Variants in PDE1A observed in about 807,000 individuals in gnomAD.
PDE1A encodes the protein dual specificity calcium/calmodulin-dependent 3',5'-cyclic nucleotide phosphodiesterase 1A.
A neutral mutation model predicts 61.7 loss-of-function variants in PDE1A; 35 were observed. The observed-to-expected ratio is 0.57, with a 90% CI of 0.43 to 0.75. The LOEUF (loss-of-function observed/expected upper bound fraction) is 0.75. PDE1A is among the 30% of genes least tolerant of loss of function. PDE1A has a pLI of 0.00. For synonymous variants in PDE1A, 232 were observed against 213.2 expected (o/e 1.09, Z -0.77); for missense variants, 597 against 630.6 (o/e 0.95, Z 0.57).
intron 1 of PDE1A, among the ~76,000 whole-genome samples, chr2:182,400,258 C>A (rs1701927360): frequency 6.6e-6 from 1 of 152,146 alleles, no homozygotes; most frequent in South Asian, 2.1e-4. Context: ...CCTGAGCAAA[C>A]TGAATTAAAA....
chr2:182,428,488 T>C (rs949220616), upstream of PDE1A, among the ~76,000 whole-genome samples: 2 of 152,146 alleles, frequency 1.3e-5, no homozygotes, highest in Admixed American at 6.6e-5. Context: ...TACATAGTTA[T>C]GTAGTGACAT....
At chr2:182,275,629 T>TAAAGGGCC (rs2125831579) in intron 1 of PDE1A, among the ~76,000 whole-genome samples, 1 of 152,210 alleles carries the variant, frequency 6.6e-6, no homozygotes, top group East Asian at 1.9e-4. Context: ...TGATGTTGAT[T>TAAAGGGCC]AAAGGGCCAA....
At chr2:182,172,034 T>C (rs989218927) in intron 13 of PDE1A, among the ~76,000 whole-genome samples, 6 of 152,118 alleles carry the variant, frequency 3.9e-5, no homozygotes, top group Admixed American at 2.6e-4. Flanking sequence ...TCAGAAAGCA[T>C]AGCAAATGCA....
At chr2:182,260,551 C>T (rs930603407) in intron 2 of PDE1A, among the ~76,000 whole-genome samples, 10 of 152,136 alleles carry the variant, frequency 6.6e-5, no homozygotes, top group African/African-American at 1.9e-4. Flanking sequence ...AATCGCAGCT[C>T]TTAGGAGATT....
chr2:182,494,093 A>T (rs9332425), intron 2 of PDE1A, among the ~76,000 whole-genome samples: 54,237 of 152,118 alleles, frequency 0.36, 10,460 homozygotes, highest in East Asian at 0.6. Flanking sequence ...CAATCGAGGT[A>T]GGCTTTAAAG....
intron 13 of PDE1A, among the ~76,000 whole-genome samples, chr2:182,160,539 G>C (rs1691322284): frequency 6.6e-6 from 1 of 152,092 alleles, no homozygotes; most frequent in Admixed American, 6.6e-5. Context: ...CAGACTCCAG[G>C]TTCTTTGACC....
At chr2:182,359,201 A>C (rs16823122) in intron 1 of PDE1A, among the ~76,000 whole-genome samples, 27,731 of 152,054 alleles carry the variant, frequency 0.18, 3,295 homozygotes, top group East Asian at 0.46. Flanking sequence ...ACTTTACATA[A>C]ACAGTTCTGC....
the PDE1A span, among the ~76,000 whole-genome samples, chr2:182,544,586 G>A: frequency 5.3e-5 from 8 of 152,168 alleles, no homozygotes; most frequent in East Asian, 1.9e-4. Flanking sequence ...AAGTGATGTC[G>A]TGGAGATAGA....
chr2:182,646,367 G>A, the PDE1A span, among the ~76,000 whole-genome samples: 3 of 131,926 alleles, frequency 2.3e-5, no homozygotes, highest in African/African-American at 5.6e-5. Context: ...CAGGAGAATC[G>A]TTTGAACCCA....
intron 1 of PDE1A, among the ~76,000 whole-genome samples, chr2:182,298,190 C>A (rs1695011690): frequency 6.6e-6 from 1 of 152,174 alleles, no homozygotes; most frequent in Admixed American, 6.5e-5. Context: ...GATACTTACA[C>A]ATAGCATCTG....
the PDE1A span, among the ~76,000 whole-genome samples, chr2:182,578,305 G>A: frequency 2.6e-5 from 4 of 151,900 alleles, no homozygotes; most frequent in African/African-American, 9.7e-5. Flanking sequence ...AAATTTAAGG[G>A]TCCTCTTTTA....
intron 1 of PDE1A, among the ~76,000 whole-genome samples, chr2:182,332,169 A>C (rs1697457350): frequency 6.6e-6 from 1 of 152,108 alleles, no homozygotes; most frequent in African/African-American, 2.4e-5. Context: ...TATGGTTCAC[A>C]AAGTTCTCGT....
At chr2:182,166,713 G>A (rs1691670597), downstream of PDE1A, among the ~76,000 whole-genome samples, 1 of 152,098 alleles carries the variant, frequency 6.6e-6, no homozygotes, top group Admixed American at 6.6e-5. Flanking sequence ...CTGTCCCTCT[G>A]GAGAACCTTG....
intron 1 of PDE1A, among the ~76,000 whole-genome samples, chr2:182,310,359 G>A (rs768227697): frequency 1.3e-5 from 2 of 152,140 alleles, no homozygotes; most frequent in Non-Finnish European, 2.9e-5. Flanking sequence ...AGGGGGCTAT[G>A]GAGGAAATAG....
chr2:182,542,575 A>G, the PDE1A span, among the ~76,000 whole-genome samples: 2,771 of 152,220 alleles, frequency 0.018, 79 homozygotes, highest in African/African-American at 0.062. Flanking sequence ...CCAGTTTTTA[A>G]ATTTTTTATA....
intron 7 of PDE1A, among the ~76,000 whole-genome samples, chr2:182,207,591 C>A (rs1411944156): frequency 1.3e-5 from 2 of 152,174 alleles, no homozygotes; most frequent in African/African-American, 2.4e-5. Context: ...ATAGTTGCAG[C>A]CTGACCATGA....
downstream of PDE1A, chr2:182,142,420 A>G (rs1690271007): frequency 6.6e-6 from 1 of 152,160 alleles, no homozygotes; most frequent in Non-Finnish European, 1.5e-5. Flanking sequence ...TCCCAGTATG[A>G]GAGTTTACAA....
At chr2:182,230,126 G>A in exon 6 of PDE1A, 1 of 1,612,070 alleles carries the variant, frequency 6.2e-7, no homozygotes, top group Non-Finnish European at 8.5e-7. Flanking sequence ...CTGCAAAGGT[G>A]ATTAGGCAAG....
intron 1 of PDE1A, among the ~76,000 whole-genome samples, chr2:182,295,098 C>T (rs368077705): frequency 4.0e-5 from 3 of 75,378 alleles, no homozygotes; most frequent in African/African-American, 4.1e-5. Flanking sequence ...GATGGAGTCT[C>T]GCTCTGTCGC....
Sources: allele counts gnomAD v4.1 joint callset (sites outside exome capture counted in the v4.1 genomes callset), GRCh38; gene constraint gnomAD v4.1.1; transcripts MANE v1.5; gene names NCBI Gene and HGNC (gene_info 2026-07-23, HGNC 2026-07-21).